Variants in BLOC1S6 observed in about 807,000 individuals in gnomAD.
BLOC1S6 encodes biogenesis of lysosome-related organelles complex 1 subunit 6.
Under a neutral mutation model 24.7 loss-of-function variants are expected in BLOC1S6, and 24 were observed. The ratio of observed to expected loss-of-function variants is 0.97; its 90% CI spans 0.70 to 1.37. BLOC1S6 has a LOEUF of 1.37. Among genes scored for constraint, BLOC1S6 ranks in the 40% most tolerant of loss-of-function variants. BLOC1S6 has a pLI of 0.00. For missense variants in BLOC1S6, 175 were observed against 196.2 expected (o/e 0.89, Z 0.64); for synonymous variants, 76 against 72.6 (o/e 1.05, Z -0.23).
At chr15:45,604,493 T>C (rs1210769506) in intron 3 of BLOC1S6, among the ~76,000 whole-genome samples, 1 of 152,162 alleles carries the variant, frequency 6.6e-6, no homozygotes, top group Non-Finnish European at 1.5e-5. Flanking sequence ...AATGAATGAA[T>C]GTTGAATGAA....
chr15:45,602,743 T>G (rs1321608093), intron 2 of BLOC1S6, among the ~76,000 whole-genome samples: 1 of 152,182 alleles, frequency 6.6e-6, no homozygotes, highest in African/African-American at 2.4e-5. Flanking sequence ...TATGGGAATG[T>G]TGCAATTTTA....
chr15:45,609,399 T>G lies in BLOC1S6; in HGVS notation c.*2885T>G, dbSNP rs1247385177. ...AATGGAAATCTTATAATTAGTGTTG[T>G]ATTTTTCTGCAAAATAGTGAATTGG... On this transcript the variant is annotated 3_prime_UTR_variant, in exon 5 of 5. Coordinates refer to ENST00000220531, the MANE Select transcript of BLOC1S6 (RefSeq NM_012388.4). 1 of 152,216 alleles carries G rather than the reference T, an allele frequency of 6.6e-6. No homozygotes were observed. The highest frequency in any genetic ancestry group is 1.9e-4 in the East Asian group (1 of 5,200). The allele number at this position is 152,216 out of a possible 1,614,324, so 9.4% of individuals were successfully genotyped here. A position where few individuals can be genotyped will look rare whatever the true frequency, so the allele number is the denominator to read the frequency against.
chr15:45,606,004 C>T (rs1242349717), intron 4 of BLOC1S6, among the ~76,000 whole-genome samples: 1 of 152,202 alleles, frequency 6.6e-6, no homozygotes, highest in Admixed American at 6.5e-5. Context: ...CAGGGTCTCA[C>T]TACGTTTCCG....
rs1241640377 is a variant in BLOC1S6 at position 45,607,405 on chromosome 15, G to T, written c.*891G>T. 1.3e-5 allele frequency: 2 copies of T among 152,118 alleles called. No homozygotes were observed. Among genetic ancestry groups the T allele is most frequent in the Non-Finnish European group, 1.5e-5 (1 of 68,044 alleles). 9.4% of individuals were successfully genotyped at this position (152,118 alleles called of 1,614,324 possible). On this transcript the variant is annotated 3_prime_UTR_variant, in exon 5 of 5. Coordinates refer to ENST00000220531, the MANE Select transcript of BLOC1S6 (RefSeq NM_012388.4). ...AGCTATCACACACTCAAATGAGCTT[G>T]TATATTTATAATACAATATAGTATT... is the stretch of plus-strand genomic sequence containing the variant.
chr15:45,603,575 A>T (rs952448619), intron 3 of BLOC1S6, among the ~76,000 whole-genome samples: 4 of 152,140 alleles, frequency 2.6e-5, no homozygotes, highest in South Asian at 2.1e-4. Flanking sequence ...ATAGTTGGGC[A>T]TGGTGGCACA....
At chr15:45,603,575 A>G (rs952448619) in intron 3 of BLOC1S6, among the ~76,000 whole-genome samples, 2 of 152,140 alleles carry the variant, frequency 1.3e-5, no homozygotes, top group Non-Finnish European at 1.5e-5. Context: ...ATAGTTGGGC[A>G]TGGTGGCACA....
intron 4 of BLOC1S6, 74 bp downstream of exon 4, chr15:45,605,588 C>G: frequency 1.0e-6 from 1 of 999,960 alleles, no homozygotes; most frequent in African/African-American, 1.9e-5. Context: ...TTTTTTTTTT[C>G]AGTATTCTTT....
At chr15:45,604,952 T>C (rs1044021163) in intron 3 of BLOC1S6, among the ~76,000 whole-genome samples, 4 of 152,216 alleles carry the variant, frequency 2.6e-5, no homozygotes, top group Admixed American at 2.0e-4. Context: ...AAGGAATGGA[T>C]TAAACTTGTC....
rs538693262 is a variant in BLOC1S6 at position 45,587,769 on chromosome 15, G to C, written c.82+244G>C. ...GCAATTGAAGGCGGTTGATGGTGAAGCCATTCTGAGTTTATGTGTTGACTC... is the reference window on the plus strand; with the variant it reads ...GCAATTGAAGGCGGTTGATGGTGAACCCATTCTGAGTTTATGTGTTGACTC... On this transcript the variant is annotated intron_variant, in intron 1 of 4. Coordinates refer to ENST00000220531, the MANE Select transcript of BLOC1S6 (RefSeq NM_012388.4). The C allele has an allele frequency of 1.8e-5, 13 of 702,874 alleles. No individual in the cohort carries two copies. In the Admixed American group the frequency reaches 2.6e-4, roughly 14 times the overall value. The allele number at this position is 702,874 out of a possible 1,614,324, so 43.5% of individuals were successfully genotyped here. A position where few individuals can be genotyped will look rare whatever the true frequency, so the allele number is the denominator to read the frequency against.
chr15:45,600,251 C>T (rs1227096582), intron 2 of BLOC1S6, among the ~76,000 whole-genome samples: 2 of 150,336 alleles, frequency 1.3e-5, no homozygotes, highest in East Asian at 2.0e-4. Flanking sequence ...TTAGTGGGTG[C>T]AGTGCACCAG....
chr15:45,603,997 G>A (rs1894357932), intron 3 of BLOC1S6, among the ~76,000 whole-genome samples: 3 of 152,158 alleles, frequency 2.0e-5, no homozygotes, highest in Admixed American at 2.0e-4. Context: ...GTGATACTCT[G>A]TATTATAAGA....
chr15:45,600,685 A>C (rs1255514830), intron 2 of BLOC1S6, among the ~76,000 whole-genome samples: 1 of 152,226 alleles, frequency 6.6e-6, no homozygotes, highest in Non-Finnish European at 1.5e-5. Context: ...TTCTTTTTAC[A>C]CATTGTTGGA....
intron 3 of BLOC1S6, among the ~76,000 whole-genome samples, chr15:45,605,054 C>T (rs1220955836): frequency 6.6e-6 from 1 of 152,192 alleles, no homozygotes; most frequent in Admixed American, 6.5e-5. Context: ...TGCTCTGGCT[C>T]AGTCTGTCTC....
At chr15:45,597,436 C>T (rs945796619) in intron 2 of BLOC1S6, among the ~76,000 whole-genome samples, 7 of 152,066 alleles carry the variant, frequency 4.6e-5, no homozygotes, top group African/African-American at 9.7e-5. Context: ...ATGATCATGC[C>T]GCTGCAGTCC....
chr15:45,600,193 AG>A (rs1216971661), intron 2 of BLOC1S6, among the ~76,000 whole-genome samples: 2 of 64,568 alleles, frequency 3.1e-5, no homozygotes, highest in African/African-American at 1.3e-4. Flanking sequence ...GGGTGGGGGG[AG>A]GGGGGAGGGA....
At chr15:45,597,265 C>T (rs1034634032) in intron 2 of BLOC1S6, among the ~76,000 whole-genome samples, 2 of 152,060 alleles carry the variant, frequency 1.3e-5, no homozygotes, top group Admixed American at 1.3e-4. Flanking sequence ...TCTCTTGAGG[C>T]CAGGAGTTGG....
At chr15:45,588,820 T>C (rs1893781871) in intron 1 of BLOC1S6, among the ~76,000 whole-genome samples, 1 of 152,358 alleles carries the variant, frequency 6.6e-6, no homozygotes, top group East Asian at 1.9e-4. Context: ...TATCCTGTAC[T>C]GTATTCCAGC....
Position 45,587,541 on chromosome 15 carries a change from T to C in BLOC1S6, c.82+16T>C. On this transcript the variant is annotated intron_variant, in intron 1 of 4. Transcript: ENST00000220531. ...CCGACGCCTGGTACGTACTATCGGG[T>C]GGGAAGCGCGGCCCGGGCTGGGTGT... 6.4e-7 allele frequency: 1 copy of C among 1,561,144 alleles called. No homozygotes were observed. The highest frequency in any genetic ancestry group is 1.8e-4 in the Middle Eastern group (1 of 5,524).
Position 45,607,764 on chromosome 15 carries a change from C to G in BLOC1S6, c.*1250C>G, listed in dbSNP as rs1269184008. The G allele has an allele frequency of 6.6e-6, 1 of 151,918 alleles. No individual in the cohort carries two copies. The highest frequency in any genetic ancestry group is 1.5e-5 in the Non-Finnish European group (1 of 68,002). 9.4% of individuals were successfully genotyped at this position (151,918 alleles called of 1,614,324 possible). A position where few individuals can be genotyped will look rare whatever the true frequency, so the allele number is the denominator to read the frequency against. On this transcript the variant is annotated 3_prime_UTR_variant, in exon 5 of 5. Transcript: ENST00000220531. ...CTCCAGCCTTGGTGACAGAGCAAGA[C>G]TCCGTCTCCAAAAAAAAGAAAAAAA...
Sources: gnomAD v4.1 joint callset for allele counts (sites outside exome capture counted in the v4.1 genomes callset) on GRCh38, gnomAD v4.1.1 for gene constraint, MANE v1.5 for transcripts, NCBI Gene and HGNC (gene_info 2026-07-23, HGNC 2026-07-21) for gene names.